Variants in SALL3 observed in about 807,000 individuals in gnomAD.
SALL3 encodes the protein spalt like transcription factor 3.
Under a neutral mutation model 66.2 loss-of-function variants are expected in SALL3, and 25 were observed. The ratio of observed to expected loss-of-function variants is 0.38; its 90% CI spans 0.28 to 0.53. The LOEUF is 0.53. Ranked by LOEUF, SALL3 falls within the 20% of genes least tolerant of loss-of-function variation. The pLI is 0.85. For synonymous variants in SALL3, 1,152 were observed against 899.1 expected (o/e 1.28, Z -5.03); for missense variants, 2,194 against 1,916.5 (o/e 1.14, Z -2.70).
In SALL3 at chr18:78,989,685, C is replaced by G. The variant is rs532133411; in HGVS notation, c.83-2389C>G. ...AGCATATAAGTTATACATTTTATCT[C>G]CTGTAAGGAGTTAAGTGTAAAAAAT... On this transcript the variant is annotated intron_variant, in intron 1 of 2. Coordinates refer to ENST00000537592, the MANE Select transcript of SALL3 (RefSeq NM_171999.4). Among the ~76,000 whole-genome samples, 5 of 152,296 alleles carry G rather than the reference C, an allele frequency of 3.3e-5. No homozygotes were observed. In the South Asian group the frequency reaches 1.0e-3, roughly 32 times the overall value.
In SALL3 at chr18:78,996,886, C is replaced by T. The variant is rs200494171; in HGVS notation, c.3472-5C>T. On this transcript the variant is annotated splice_region_variant and splice_polypyrimidine_tract_variant and intron_variant, in intron 2 of 2. Transcript: ENST00000537592. The stretch of plus-strand genomic sequence containing the variant: ...ACTCGTGGGCTGTCTCCGTGTCTCG[C>T]GCAGGTGCACATGGGGACACACATG... 41 of 1,601,026 alleles carry T rather than the reference C, an allele frequency of 2.6e-5. No individual in the cohort carries two copies. The highest frequency in any genetic ancestry group is 1.3e-4 in the African/African-American group (10 of 74,766).
intron 1 of SALL3, among the ~76,000 whole-genome samples, chr18:78,989,474 G>T (rs912631294): frequency 2.0e-5 from 3 of 152,134 alleles, no homozygotes; most frequent in Admixed American, 2.0e-4. Context: ...TGTATCTGTG[G>T]TTATGTAAGT....
intron 1 of SALL3, among the ~76,000 whole-genome samples, chr18:78,987,186 C>CT (rs1415964048): frequency 2.6e-5 from 4 of 152,036 alleles, no homozygotes; most frequent in African/African-American, 9.7e-5. Flanking sequence ...TCACTTGTGG[C>CT]TTTAAAAAGA....
chr18:78,983,113 A>G (rs1286177649), intron 1 of SALL3, among the ~76,000 whole-genome samples: 1 of 151,602 alleles, frequency 6.6e-6, no homozygotes, highest in Non-Finnish European at 1.5e-5. Flanking sequence ...GTAAAGTTCT[A>G]AAGTCATGCT....
chr18:78,992,943 C>T lies in SALL3; in HGVS notation c.952C>T (p.Pro318Ser), dbSNP rs949213023. 2.8e-6 allele frequency: 3 copies of T among 1,088,014 alleles called. No individual in the cohort carries two copies. The highest frequency in any genetic ancestry group is 4.3e-5 in the South Asian group (1 of 23,254). 67.4% of individuals were successfully genotyped at this position (1,088,014 alleles called of 1,614,324 possible). A position where few individuals can be genotyped will look rare whatever the true frequency, so the allele number is the denominator to read the frequency against. ...CGCGCCCGCCGCCCCCAGCGCCGCC[C>T]CTGCCCCCGCTGCCCCCGCCCCGGC... is the stretch of plus-strand genomic sequence containing the variant. Reference protein sequence around the residue: ...PSAPAAPSAAPAPAAPAPAPA... With the variant: ...PSAPAAPSAASAPAAPAPAPA... The change falls in exon 2 of 3, where the codon CCT (proline) becomes TCT (serine). Residue 318 changes from proline (P) to serine (S), a missense_variant. Coordinates refer to ENST00000537592, the MANE Select transcript of SALL3 (RefSeq NM_171999.4).
intron 1 of SALL3, among the ~76,000 whole-genome samples, chr18:78,986,828 TAAAGG>T (rs1469529923): frequency 6.6e-6 from 1 of 152,214 alleles, no homozygotes; most frequent in Non-Finnish European, 1.5e-5. Flanking sequence ...TTGAGATTGA[TAAAGG>T]AAATTACAGA....
At chr18:78,981,075 G>A (rs1914048914) in intron 1 of SALL3, among the ~76,000 whole-genome samples, 1 of 152,252 alleles carries the variant, frequency 6.6e-6, no homozygotes, top group Non-Finnish European at 1.5e-5. Flanking sequence ...CCGAGGCCGG[G>A]CGCTGGAGAC....
rs751298190 is a variant in SALL3 at position 78,993,500 on chromosome 18, G to GC, written c.1515dup (p.Glu506ArgfsTer90). ...CGGGCATCCCCTACGGCATGTCGCT[G>GC]CCCCCCGAGAAGCCCGTGACCACCT... On this transcript the variant is annotated frameshift_variant, in exon 2 of 3. Coordinates refer to ENST00000537592, the MANE Select transcript of SALL3 (RefSeq NM_171999.4). LOFTEE classifies it high-confidence loss of function. The GC allele has an allele frequency of 6.2e-7, 1 of 1,606,296 alleles. No individual in the cohort carries two copies.
intron 1 of SALL3, among the ~76,000 whole-genome samples, chr18:78,991,390 G>GGA (rs1555706496): frequency 2.9e-5 from 3 of 103,390 alleles, no homozygotes; most frequent in Admixed American, 2.6e-4. Context: ...GGGTGGGGGG[G>GGA]GGGGAACTGC....
Position 78,997,142 on chromosome 18 carries a change from C to T in SALL3, c.3723C>T (p.Leu1241=). The part of the protein sequence containing the change: ...SVIQNGGIPQ[L]PVSLGGSALP... ...TCCAGAACGGCGGCATCCCCCAGCT[C>T]CCCGTGAGTCTTGGGGGCAGCGCCC... The change falls in exon 3 of 3, where the codon CTC becomes CTT. Residue 1241 remains leucine, a synonymous_variant. Coordinates refer to ENST00000537592, the MANE Select transcript of SALL3 (RefSeq NM_171999.4). 1.9e-6 allele frequency: 3 copies of T among 1,614,040 alleles called. No homozygotes were observed. Among genetic ancestry groups the T allele is most frequent in the Admixed American group, 3.3e-5 (2 of 60,030 alleles).
At position 78,992,760 on chromosome 18, in the gene SALL3, C is replaced by G. The variant is rs1914496497; in HGVS notation, c.769C>G (p.Gln257Glu). 2 of 1,107,090 alleles carry G rather than the reference C, an allele frequency of 1.8e-6. No individual in the cohort carries two copies. Among genetic ancestry groups the G allele is most frequent in the Non-Finnish European group, 2.2e-6 (2 of 909,064 alleles). The allele number at this position is 1,107,090 out of a possible 1,614,324, so 68.6% of individuals were successfully genotyped here. Residue 257 changes from glutamine (Q) to glutamate (E), a missense_variant, in exon 2 of 3, where the codon CAG (glutamine) becomes GAG (glutamate). Gln to Glu is a conservative substitution (Grantham distance 29, BLOSUM62 2). Transcript: ENST00000537592. ...APSAPGPAPSQLPGLAALPLS... is the reference protein window; with the variant it reads ...APSAPGPAPSELPGLAALPLS... Reference sequence around the variant, plus strand: ...GAGCGCACCGGGCCCGGCCCCCAGCCAGCTGCCCGGGCTGGCCGCGCTCCC... The same window carrying G: ...GAGCGCACCGGGCCCGGCCCCCAGCGAGCTGCCCGGGCTGGCCGCGCTCCC...
In SALL3 at chr18:78,993,852, C is replaced by A; in HGVS notation, c.1861C>A (p.Pro621Thr). Residue 621 changes from proline (P) to threonine (T), a missense_variant, in exon 2 of 3, where the codon CCC (proline) becomes ACC (threonine). Coordinates refer to ENST00000537592, the MANE Select transcript of SALL3 (RefSeq NM_171999.4). ...CGTGGGCGCGCAGGCTAGCGCTGCA[C>A]CCACATCGGTGGACGGCGCACCCAC... ...APVGAQASAA[P>T]TSVDGAPTSL... is the part of the protein sequence containing the mutation. The A allele has an allele frequency of 6.4e-7, 1 of 1,562,116 alleles. No homozygotes were observed. The highest frequency in any genetic ancestry group is 1.2e-5 in the South Asian group (1 of 85,190).
rs1259741154 is a variant in SALL3, at chr18:78,997,845, CT to C, written c.*525del. On this transcript the variant is annotated 3_prime_UTR_variant, in exon 3 of 3. Coordinates refer to ENST00000537592, the MANE Select transcript of SALL3 (RefSeq NM_171999.4). ...TAACAGACAATATAATAGCCCCGAC[CT>C]TAAACGAAGCTTTTGTACTGCAGAA... 6.5e-6 allele frequency: 1 copy of C among 153,618 alleles called. No individual in the cohort carries two copies. Among genetic ancestry groups the C allele is most frequent in the Non-Finnish European group, 1.5e-5 (1 of 68,912 alleles). 9.5% of individuals were successfully genotyped at this position (153,618 alleles called of 1,614,324 possible).
chr18:78,987,468 C>T (rs538601180), intron 1 of SALL3, among the ~76,000 whole-genome samples: 1 of 152,224 alleles, frequency 6.6e-6, no homozygotes, highest in South Asian at 2.1e-4. Flanking sequence ...TGGGACCTTC[C>T]TCCCCTCTTC....
In SALL3 at chr18:78,993,121, T is replaced by C. The variant is rs143063115; in HGVS notation, c.1130T>C (p.Leu377Pro). The C allele has an allele frequency of 1.5e-3, 2,436 of 1,605,404 alleles. 5 individuals are homozygous for C. Among genetic ancestry groups the C allele is most frequent in the Non-Finnish European group, 1.9e-3 (2,267 of 1,177,814 alleles). Residue 377 changes from leucine to proline, a missense_variant, in exon 2 of 3, where the codon CTG (leucine) becomes CCG (proline). By Grantham distance (98) the Leu-to-Pro change is moderately conservative. Coordinates refer to ENST00000537592, the MANE Select transcript of SALL3 (RefSeq NM_171999.4). ...SASGVIFPNP[L>P]VSIAATANAL... is the part of the protein sequence containing the mutation. ...AGCGGCGTCATCTTCCCCAACCCGC[T>C]GGTCAGCATCGCGGCCACGGCCAAC...
rs770484599 is a variant in SALL3 at position 78,992,572 on chromosome 18, G to C, written c.581G>C (p.Gly194Ala). 2.0e-6 allele frequency: 3 copies of C among 1,505,280 alleles called. No homozygotes were observed. The highest frequency in any genetic ancestry group is 2.6e-6 in the Non-Finnish European group (3 of 1,134,814). 93.2% of individuals were successfully genotyped at this position (1,505,280 alleles called of 1,614,324 possible). A position where few individuals can be genotyped will look rare whatever the true frequency, so the allele number is the denominator to read the frequency against. ...CGCGCGGCAGGCGGCTCGGGAGCAG[G>C]TGGAGGCGTGGCAGCTGCAGCCGTG... ...GARAAGGSGA[G>A]GGVAAAAVPL... The change falls in exon 2 of 3, where the codon GGT (glycine) becomes GCT (alanine). Residue 194 changes from glycine to alanine, a missense_variant. Transcript: ENST00000537592.
chr18:78,997,585 A>C lies in SALL3; in HGVS notation c.*263A>C. The C allele has an allele frequency of 4.0e-6, 2 of 503,824 alleles. No individual in the cohort carries two copies. Among genetic ancestry groups the C allele is most frequent in the Admixed American group, 3.5e-5 (1 of 28,256 alleles). 31.2% of individuals were successfully genotyped at this position (503,824 alleles called of 1,614,324 possible). ...GGAAAACCGCCTTAGGAACAGAAAG[A>C]GCTCAGACCATGTCCACTTCCTTTC... is the stretch of plus-strand genomic sequence containing the variant. On this transcript the variant is annotated 3_prime_UTR_variant, in exon 3 of 3. Transcript: ENST00000537592.
rs748165168 is a variant in SALL3 at position 78,993,763 on chromosome 18, C to T, written c.1772C>T (p.Pro591Leu). 3 of 1,543,276 alleles carry T rather than the reference C, an allele frequency of 1.9e-6. No individual in the cohort carries two copies. Among genetic ancestry groups the T allele is most frequent in the East Asian group, 2.4e-5 (1 of 42,276 alleles). ...AESPQSLLGG[P>L]PLTKAEPVSL... ...TCCCCACAGTCGCTCCTCGGCGGGC[C>T]GCCCCTCACTAAAGCCGAGCCCGTC... The change falls in exon 2 of 3, where the codon CCG becomes CTG. Residue 591 changes from proline to leucine, a missense_variant. By Grantham distance (98) the Pro-to-Leu change is moderately conservative. Transcript: ENST00000537592.
Position 78,994,738 on chromosome 18 carries a change from G to A in SALL3, c.2747G>A (p.Arg916His). 6.2e-7 allele frequency: 1 copy of A among 1,602,774 alleles called. No homozygotes were observed. The highest frequency in any genetic ancestry group is 2.2e-5 in the East Asian group (1 of 44,798). The change falls in exon 2 of 3, where the codon CGC becomes CAC. Residue 916 changes from arginine (R) to histidine (H), a missense_variant. Arg to His is a conservative substitution (Grantham distance 29, BLOSUM62 0). Coordinates refer to ENST00000537592, the MANE Select transcript of SALL3 (RefSeq NM_171999.4). ...SPAPSNGESF[R>H]SKSPGLGAPE... ...GCCCCCAGCAATGGTGAGAGCTTCC[G>A]CTCCAAGTCCCCGGGCCTGGGCGCC...
Sources: allele counts gnomAD v4.1 joint callset (sites outside exome capture counted in the v4.1 genomes callset), GRCh38; gene constraint gnomAD v4.1.1; transcripts MANE v1.5; gene names NCBI Gene and HGNC (gene_info 2026-07-23, HGNC 2026-07-21).